Variants in GLRX5 observed in about 807,000 individuals in gnomAD.
The protein encoded by GLRX5 is glutaredoxin 5.
GLRX5 carries 10 observed loss-of-function variants against 13.8 expected under a neutral mutation model. The observed-to-expected ratio is 0.72, with a 90% CI of 0.45 to 1.23. The LOEUF is 1.23. GLRX5 is among the 50% of genes most tolerant of loss of function. GLRX5 has a pLI of 0.00. For missense variants in GLRX5, 233 were observed against 215.2 expected (o/e 1.08, Z -0.52); for synonymous variants, 98 against 101.1 (o/e 0.97, Z 0.18).
In GLRX5 at chr14:95,540,581, C is replaced by T. The variant is rs952752123; in HGVS notation, c.296-3366C>T. On this transcript the variant is annotated intron_variant, in intron 1 of 1. Coordinates refer to ENST00000331334, the MANE Select transcript of GLRX5 (RefSeq NM_016417.3). ...CCTCTAGTGAGGGTCTACTGATTTC[C>T]GTGCTTTCAGCTCAGATCATCTTAT... Among the ~76,000 whole-genome samples the T allele has an allele frequency of 7.2e-5, 11 of 152,144 alleles. No homozygotes were observed. The East Asian group carries it at 7.7e-4, about 11-fold the overall frequency.
intron 1 of GLRX5, among the ~76,000 whole-genome samples, chr14:95,540,638 A>G (rs1205312179): frequency 1.3e-5 from 2 of 152,200 alleles, no homozygotes; most frequent in Non-Finnish European, 2.9e-5. Flanking sequence ...AAATTAGAGA[A>G]TATGAAGAAA....
At position 95,537,252 on chromosome 14, in the gene GLRX5, C is replaced by T. The variant is rs891215798; in HGVS notation, c.295+1868C>T. On this transcript the variant is annotated intron_variant, in intron 1 of 1. Coordinates refer to ENST00000331334, the MANE Select transcript of GLRX5 (RefSeq NM_016417.3). ...TAAACGGAAAATAGGAGCAAAAATA[C>T]GAATATGTACTGATAACATTTTATT... 7.2e-5 allele frequency among the ~76,000 whole-genome samples: 11 copies of T among 152,138 alleles called. No individual in the cohort carries two copies. The South Asian group carries it at 1.2e-3, about 17-fold the overall frequency.
chr14:95,540,091 A>C (rs1246129737), intron 1 of GLRX5, among the ~76,000 whole-genome samples: 1 of 152,006 alleles, frequency 6.6e-6, no homozygotes, highest in Admixed American at 6.6e-5. Flanking sequence ...GGGTTTCACC[A>C]TGTTGGCCAG....
rs1891529430 is a variant in GLRX5, at chr14:95,544,601, GC to G, written c.*478del. ...ACTCCAGCACAGGGATGCTGTGCATGCCTGAGTTGATTCCGAAGTGCATATG... is the reference window on the plus strand; with the variant it reads ...ACTCCAGCACAGGGATGCTGTGCATGCTGAGTTGATTCCGAAGTGCATATG... On this transcript the variant is annotated 3_prime_UTR_variant, in exon 2 of 2. Coordinates refer to ENST00000331334, the MANE Select transcript of GLRX5 (RefSeq NM_016417.3). The G allele has an allele frequency of 5.4e-6, 1 of 183,878 alleles. No homozygotes were observed. Among genetic ancestry groups the G allele is most frequent in the East Asian group, 1.4e-4 (1 of 7,282 alleles). The allele number at this position is 183,878 out of a possible 1,614,324, so 11.4% of individuals were successfully genotyped here.
chr14:95,541,236 G>GA (rs1399644813), intron 1 of GLRX5, among the ~76,000 whole-genome samples: 1 of 152,242 alleles, frequency 6.6e-6, no homozygotes, highest in East Asian at 1.9e-4. Flanking sequence ...ACTAAAGTGT[G>GA]AGAGAGATTA....
chr14:95,535,350 C>A lies in GLRX5; in HGVS notation c.261C>A (p.Ala87=), dbSNP rs866752355. 18 of 1,553,118 alleles carry A rather than the reference C, an allele frequency of 1.2e-5. No individual in the cohort carries two copies. Among genetic ancestry groups the A allele is most frequent in the Non-Finnish European group, 1.5e-5 (17 of 1,148,636 alleles). The change falls in exon 1 of 2, where the codon GCC becomes GCA. Residue 87 remains alanine (A), a synonymous_variant. Coordinates refer to ENST00000331334, the MANE Select transcript of GLRX5 (RefSeq NM_016417.3). ...TGCACGGCGTCCGCGATTACGCGGC[C>A]TACAACGTGCTGGACGACCCGGAGC... ...LRLHGVRDYA[A]YNVLDDPELR...
At chr14:95,537,024 T>C (rs1891393446) in intron 1 of GLRX5, among the ~76,000 whole-genome samples, 2 of 152,228 alleles carry the variant, frequency 1.3e-5, no homozygotes, top group Admixed American at 1.3e-4. Context: ...GAAGACAGCT[T>C]CTCTGCTTAA....
At chr14:95,537,106 C>T (rs555923094) in intron 1 of GLRX5, among the ~76,000 whole-genome samples, 2 of 152,244 alleles carry the variant, frequency 1.3e-5, no homozygotes, top group South Asian at 2.1e-4. Context: ...GCCAATATGG[C>T]ACTAGTAAAA....
chr14:95,541,870 A>G (rs1372082700), intron 1 of GLRX5, among the ~76,000 whole-genome samples: 4 of 152,250 alleles, frequency 2.6e-5, no homozygotes, highest in South Asian at 2.1e-4. Context: ...TTCAGAAATT[A>G]TAGACATCCA....
intron 1 of GLRX5, chr14:95,543,097 T>C: frequency 2.2e-6 from 1 of 456,046 alleles, no homozygotes; most frequent in South Asian, 1.5e-5. Flanking sequence ...GCATGCTGGT[T>C]GGTTTCTTGG....
At chr14:95,542,954 T>C (rs1891495294) in intron 1 of GLRX5, 2 of 438,286 alleles carry the variant, frequency 4.6e-6, no homozygotes, top group Non-Finnish European at 4.7e-6. Flanking sequence ...CACATTTCTT[T>C]CTTACCATTT....
intron 1 of GLRX5, among the ~76,000 whole-genome samples, chr14:95,539,923 C>A (rs1176737266): frequency 6.7e-6 from 1 of 149,246 alleles, no homozygotes; most frequent in Non-Finnish European, 1.5e-5. Flanking sequence ...GAGAGTGTTA[C>A]TCTGCTGCCT....
intron 1 of GLRX5, among the ~76,000 whole-genome samples, chr14:95,538,754 G>A (rs1891423700): frequency 1.3e-5 from 2 of 152,216 alleles, no homozygotes; most frequent in Non-Finnish European, 2.9e-5. Flanking sequence ...GGTTTTTGTT[G>A]CATCTATTCA....
At chr14:95,539,815 T>C (rs1471159328) in intron 1 of GLRX5, among the ~76,000 whole-genome samples, 4 of 152,178 alleles carry the variant, frequency 2.6e-5, no homozygotes, top group Non-Finnish European at 5.9e-5. Context: ...TTTGTAAAGA[T>C]TAAATAAGAT....
intron 1 of GLRX5, chr14:95,543,694 T>A (rs1050451114): frequency 4.0e-6 from 2 of 494,078 alleles, no homozygotes; most frequent in East Asian, 7.1e-5. Flanking sequence ...GAGATGAGGG[T>A]GGAAACAGGA....
At chr14:95,543,644 A>G (rs1255735079) in intron 1 of GLRX5, 2 of 375,816 alleles carry the variant, frequency 5.3e-6, no homozygotes, top group Non-Finnish European at 9.9e-6. Flanking sequence ...TTTTACTGAG[A>G]ATCTTGCTTA....
chr14:95,538,601 A>G (rs958470757), intron 1 of GLRX5, among the ~76,000 whole-genome samples: 3 of 152,180 alleles, frequency 2.0e-5, no homozygotes, highest in Admixed American at 6.5e-5. Flanking sequence ...AGGAGTAACT[A>G]TCAGTACCCA....
At chr14:95,536,192 A>G (rs1184160600) in intron 1 of GLRX5, among the ~76,000 whole-genome samples, 1 of 152,154 alleles carries the variant, frequency 6.6e-6, no homozygotes, top group Non-Finnish European at 1.5e-5. Context: ...TTAGGCCGGG[A>G]GAGGGAAGGC....
Position 95,535,330 on chromosome 14 carries a change from G to A in GLRX5, c.241G>A (p.Gly81Ser), listed in dbSNP as rs1313171109. The change falls in exon 1 of 2, where the codon GGC becomes AGC. Residue 81 changes from glycine (G) to serine (S), a missense_variant. Physicochemically the swap from Gly to Ser is moderately conservative, Grantham distance 56. Coordinates refer to ENST00000331334, the MANE Select transcript of GLRX5 (RefSeq NM_016417.3). ...CGTGGTGCAGATCCTGCGGCTGCAC[G>A]GCGTCCGCGATTACGCGGCCTACAA... ...NAVVQILRLH[G>S]VRDYAAYNVL... The A allele has an allele frequency of 1.9e-6, 3 of 1,554,382 alleles. No individual in the cohort carries two copies. Among genetic ancestry groups the A allele is most frequent in the South Asian group, 2.4e-5 (2 of 84,424 alleles).
Sources: allele counts gnomAD v4.1 joint callset (sites outside exome capture counted in the v4.1 genomes callset), GRCh38; gene constraint gnomAD v4.1.1; transcripts MANE v1.5; gene names NCBI Gene and HGNC (gene_info 2026-07-23, HGNC 2026-07-21).